MITF: variants seen among roughly 807,000 people sequenced by gnomAD.
The protein encoded by MITF is melanocyte inducing transcription factor, also known as microphthalmia-associated transcription factor.
In MITF, 17 loss-of-function variants were observed where a neutral mutation model predicts 60.5. The ratio of observed to expected loss-of-function variants is 0.28; its 90% CI spans 0.19 to 0.42. MITF has a LOEUF of 0.42. Among genes scored for constraint, MITF ranks in the 10% least tolerant of loss-of-function variants. The probability of loss-of-function intolerance (pLI) is 1.00; values close to 1 mark genes in which losing one functional copy is unlikely to be tolerated. For missense variants in MITF, 622 were observed against 683.5 expected (o/e 0.91, Z 1.00); for synonymous variants, 260 against 248.5 (o/e 1.05, Z -0.43).
chr3:69,965,590 G>A lies in MITF; in HGVS notation c.*342G>A. 1 of 256,916 alleles carries A rather than the reference G, an allele frequency of 3.9e-6. No homozygotes were observed. 15.9% of individuals were successfully genotyped at this position (256,916 alleles called of 1,614,324 possible). A position where few individuals can be genotyped will look rare whatever the true frequency, so the allele number is the denominator to read the frequency against. On this transcript the variant is annotated 3_prime_UTR_variant, in exon 10 of 10. Transcript: ENST00000352241. ...GGGAAACTTGATTTGAGATTTTTAT[G>A]CCTGTGACTTCCTTGGAAATCAAAT...
At chr3:69,903,636 C>CT (rs965868311) in intron 2 of MITF, among the ~76,000 whole-genome samples, 4 of 151,564 alleles carry the variant, frequency 2.6e-5, no homozygotes, top group African/African-American at 7.3e-5. Flanking sequence ...TTAATTTGGC[C>CT]TTTTTAAAAA....
intron 1 of MITF, among the ~76,000 whole-genome samples, chr3:69,818,461 C>T (rs909991123): frequency 6.6e-6 from 1 of 152,178 alleles, no homozygotes; most frequent in Non-Finnish European, 1.5e-5. Flanking sequence ...CCCAGTGTAA[C>T]CACGTAAGTT....
chr3:69,955,602 T>G (rs925098256), intron 7 of MITF, among the ~76,000 whole-genome samples: 2 of 151,798 alleles, frequency 1.3e-5, no homozygotes, highest in Non-Finnish European at 2.9e-5. Context: ...TCACTTGAGG[T>G]CAGGAGCTCG....
At chr3:69,803,963 T>C (rs2062964289) in intron 1 of MITF, among the ~76,000 whole-genome samples, 1 of 152,184 alleles carries the variant, frequency 6.6e-6, no homozygotes, top group East Asian at 1.9e-4. Flanking sequence ...TTTCTTCTTT[T>C]CTGTTCTTGT....
chr3:69,814,304 A>T (rs369151933), intron 1 of MITF, among the ~76,000 whole-genome samples: 22 of 152,168 alleles, frequency 1.4e-4, no homozygotes, highest in African/African-American at 5.1e-4. Context: ...TGACTCATTC[A>T]TTCATTCATT....
chr3:69,959,725 T>C (rs2066493871), intron 9 of MITF, among the ~76,000 whole-genome samples: 1 of 152,224 alleles, frequency 6.6e-6, no homozygotes, highest in African/African-American at 2.4e-5. Flanking sequence ...GTTTCAGCTC[T>C]CATCCTCTAA....
At chr3:69,865,224 T>C (rs2064089588) in intron 1 of MITF, among the ~76,000 whole-genome samples, 1 of 152,084 alleles carries the variant, frequency 6.6e-6, no homozygotes, top group Admixed American at 6.5e-5. Flanking sequence ...GTAATTTGAG[T>C]TTGATTATGG....
chr3:69,895,806 GTT>G (rs1373429146), intron 2 of MITF, among the ~76,000 whole-genome samples: 1 of 123,518 alleles, frequency 8.1e-6, no homozygotes, highest in South Asian at 3.1e-4. Context: ...ATTGTGGAGT[GTT>G]TGTGTGTGTG....
chr3:69,850,597 G>A (rs997144128), intron 1 of MITF, among the ~76,000 whole-genome samples: 1 of 152,198 alleles, frequency 6.6e-6, no homozygotes, highest in Non-Finnish European at 1.5e-5. Flanking sequence ...AGGAAAGATT[G>A]TTTGCATGCT....
intron 1 of MITF, among the ~76,000 whole-genome samples, chr3:69,822,903 GT>G (rs201176630): frequency 8.3e-4 from 120 of 144,118 alleles, no homozygotes; most frequent in African/African-American, 7.9e-4. Context: ...TTTGGTGTTT[GT>G]TTTTTTTTTT....
intron 1 of MITF, among the ~76,000 whole-genome samples, chr3:69,754,621 C>G (rs1441556606): frequency 6.6e-6 from 1 of 151,254 alleles, no homozygotes; most frequent in Non-Finnish European, 1.5e-5. Context: ...CCAATTACAT[C>G]TCTCTTTTTT....
chr3:69,799,984 C>T (rs1488369867), intron 1 of MITF, among the ~76,000 whole-genome samples: 2 of 152,160 alleles, frequency 1.3e-5, no homozygotes, highest in Non-Finnish European at 2.9e-5. Context: ...TGAAATTTAT[C>T]ATTTTAACAT....
At chr3:69,810,186 C>T (rs9819701) in intron 1 of MITF, among the ~76,000 whole-genome samples, 5 of 152,178 alleles carry the variant, frequency 3.3e-5, no homozygotes, top group African/African-American at 1.2e-4. Context: ...AAGCTTAGTA[C>T]AGATTTTGAT....
At chr3:69,917,376 CTTTT>C (rs3044646) in intron 2 of MITF, among the ~76,000 whole-genome samples, 2 of 113,288 alleles carry the variant, frequency 1.8e-5, no homozygotes, top group Non-Finnish European at 3.5e-5. Flanking sequence ...CAGTTGCCTC[CTTTT>C]TTTTTTTTTT....
chr3:69,864,702 G>C (rs1575839585), intron 1 of MITF, among the ~76,000 whole-genome samples: 2 of 152,218 alleles, frequency 1.3e-5, no homozygotes, highest in East Asian at 3.9e-4. Flanking sequence ...TGGCCTACCA[G>C]ATCCTTCATG....
chr3:69,759,018 A>T (rs968231345), intron 1 of MITF, among the ~76,000 whole-genome samples: 1 of 152,232 alleles, frequency 6.6e-6, no homozygotes, highest in Non-Finnish European at 1.5e-5. Context: ...GGTGCTAAAG[A>T]TACAGACTGC....
At chr3:69,953,745 G>T (rs938820418) in intron 7 of MITF, among the ~76,000 whole-genome samples, 2 of 151,558 alleles carry the variant, frequency 1.3e-5, no homozygotes, top group African/African-American at 4.8e-5. Flanking sequence ...CCTGTTTTGT[G>T]TGAGGCACTT....
At chr3:69,879,482 C>A in intron 2 of MITF, 99 bp downstream of exon 2, 1 of 1,565,566 alleles carries the variant, frequency 6.4e-7, no homozygotes, top group East Asian at 2.3e-5. Flanking sequence ...TTAGACTGAC[C>A]CTTCAGAATT....
At chr3:69,930,298 G>A (rs113140301) in intron 2 of MITF, among the ~76,000 whole-genome samples, 2 of 152,154 alleles carry the variant, frequency 1.3e-5, no homozygotes, top group African/African-American at 4.8e-5. Flanking sequence ...CTGACATTTA[G>A]AGGGGAGAAG....
Sources: allele counts gnomAD v4.1 joint callset (sites outside exome capture counted in the v4.1 genomes callset), GRCh38; gene constraint gnomAD v4.1.1; transcripts MANE v1.5; gene names NCBI Gene and HGNC (gene_info 2026-07-23, HGNC 2026-07-21).